EIF2AK1: variants seen among roughly 807,000 people sequenced by gnomAD.
The protein encoded by EIF2AK1 is eukaryotic translation initiation factor 2 alpha kinase 1, also known as eukaryotic translation initiation factor 2-alpha kinase 1.
Under a neutral mutation model 77.9 loss-of-function variants are expected in EIF2AK1, and 54 were observed. That is an observed-to-expected ratio of 0.69 (90% CI 0.56 to 0.87). The LOEUF is 0.87. EIF2AK1 is among the 40% of genes least tolerant of loss of function. The pLI, the probability that EIF2AK1 is intolerant of heterozygous loss-of-function variation, is 0.00. For missense variants in EIF2AK1, 810 were observed against 768.6 expected, an observed-to-expected ratio of 1.05 and a Z score of -0.64; for synonymous variants, 314 against 290.5, an observed-to-expected ratio of 1.08 and a Z score of -0.82.
chr7:6,050,531 G>A (rs1002008639), intron 2 of EIF2AK1, among the ~76,000 whole-genome samples: 1 of 151,344 alleles, frequency 6.6e-6, no homozygotes, highest in Non-Finnish European at 1.5e-5. Context: ...AGAAACTTGG[G>A]GAATGATTCT....
chr7:6,048,303 G>T (rs1387817636), intron 4 of EIF2AK1, among the ~76,000 whole-genome samples: 1 of 152,028 alleles, frequency 6.6e-6, no homozygotes, highest in Non-Finnish European at 1.5e-5. Context: ...CACCTACTCT[G>T]GATATTTCAT....
At chr7:6,050,414 C>T (rs111859265) in intron 2 of EIF2AK1, among the ~76,000 whole-genome samples, 22 of 151,996 alleles carry the variant, frequency 1.4e-4, no homozygotes, top group African/African-American at 5.3e-4. Context: ...AGGCTGGTCT[C>T]GAACTCCTGG....
rs771876543 is a variant in EIF2AK1 at position 6,049,935 on chromosome 7, A to C, written c.388T>G (p.Ser130Ala). ...HNRAITHLMRSAKERVRQDPC... is the reference protein window; with the variant it reads ...HNRAITHLMRAAKERVRQDPC... ...ACCTGACGAACTCTCTCTTTAGCAG[A>C]CCTCATTAAGTGAGTAATAGCTCTG... The change falls in exon 3 of 15, where the codon TCT becomes GCT. Residue 130 changes from serine (S) to alanine (A), a missense_variant. Around this residue, in one of 3 missense-constraint regions of EIF2AK1, gnomAD observed 246 missense variants for 199.0 expected, o/e 1.24. Coordinates refer to ENST00000199389, the MANE Select transcript of EIF2AK1 (RefSeq NM_014413.4). 4.3e-6 allele frequency: 7 copies of C among 1,611,730 alleles called. No homozygotes were observed. Among genetic ancestry groups the C allele is most frequent in the South Asian group, 3.3e-5 (3 of 90,204 alleles).
intron 2 of EIF2AK1, among the ~76,000 whole-genome samples, chr7:6,052,842 T>C (rs1179593191): frequency 6.6e-6 from 1 of 151,812 alleles, no homozygotes; most frequent in Non-Finnish European, 1.5e-5. Flanking sequence ...GGCACGTGCC[T>C]ACCCCAGCTA....
intron 4 of EIF2AK1, among the ~76,000 whole-genome samples, chr7:6,048,538 C>A (rs1054380701): frequency 2.6e-5 from 4 of 152,106 alleles, no homozygotes; most frequent in Non-Finnish European, 2.9e-5. Flanking sequence ...AGCGAGAATT[C>A]AATGGTCCCC....
chr7:6,037,242 A>AG (rs1170265445), intron 11 of EIF2AK1, among the ~76,000 whole-genome samples, 182 bp downstream of exon 11: 2 of 152,126 alleles, frequency 1.3e-5, no homozygotes, highest in African/African-American at 4.8e-5. Context: ...AAAAAAAAAA[A>AG]AAATTCGACC....
In EIF2AK1 at chr7:6,024,708, C is replaced by T. The variant is rs1199913066; in HGVS notation, c.1858G>A (p.Val620Met). ...CCCCCATCCTTTCCGTCATCCCTCACCCCTTTGTCTTGAGAAAGGAGGTTT... is the reference window on the plus strand; with the variant it reads ...CCCCCATCCTTTCCGTCATCCCTCATCCCTTTGTCTTGAGAAAGGAGGTTT... ...QLNLLSQDKG[V>M]RDDGKDGGVG is the part of the protein sequence containing the mutation. Residue 620 changes from valine to methionine, a missense_variant, in exon 15 of 15, where the codon GTG (valine) becomes ATG (methionine). By Grantham distance (21) the Val-to-Met change is conservative. This residue lies in a region of EIF2AK1 where 549 missense variants were observed against 533.7 expected (regional missense o/e 1.03). Coordinates refer to ENST00000199389, the MANE Select transcript of EIF2AK1 (RefSeq NM_014413.4). The T allele has an allele frequency of 6.2e-7, 1 of 1,611,704 alleles. No homozygotes were observed. Among genetic ancestry groups the T allele is most frequent in the Admixed American group, 1.7e-5 (1 of 59,222 alleles).
In EIF2AK1 at chr7:6,023,666, A is replaced by C; in HGVS notation, c.*1007T>G. On this transcript the variant is annotated 3_prime_UTR_variant, in exon 15 of 15. Transcript: ENST00000199389. ...TCTTGTGAAAACCTGGCTCCTTTTAACACGGCCCTCAAGCTCCTTAAGTGA... is the reference window on the plus strand; with the variant it reads ...TCTTGTGAAAACCTGGCTCCTTTTACCACGGCCCTCAAGCTCCTTAAGTGA... 1 of 1,614,142 alleles carries C rather than the reference A, an allele frequency of 6.2e-7. No individual in the cohort carries two copies.
chr7:6,049,843 T>C, intron 3 of EIF2AK1, 69 bp downstream of exon 3: 1 of 1,437,978 alleles, frequency 7.0e-7, no homozygotes, highest in Non-Finnish European at 9.5e-7. Context: ...TCACAGTGCT[T>C]TAAAATATAA....
chr7:6,029,287 G>A (rs555565385), intron 11 of EIF2AK1, among the ~76,000 whole-genome samples: 1 of 152,048 alleles, frequency 6.6e-6, no homozygotes, highest in South Asian at 2.1e-4. Context: ...ATCACCTGAG[G>A]TCAGGAGTTC....
chr7:6,049,476 G>A (rs1423889417), intron 3 of EIF2AK1, among the ~76,000 whole-genome samples: 2 of 152,216 alleles, frequency 1.3e-5, no homozygotes, highest in African/African-American at 4.8e-5. Flanking sequence ...CTGGGAGGCA[G>A]AGGTTGCAAT....
rs1354565061 is a variant in EIF2AK1 at position 6,054,573 on chromosome 7, G to C, written c.250C>G (p.Pro84Ala). The change falls in exon 2 of 15, where the codon CCA (proline) becomes GCA (alanine). Residue 84 changes from proline (P) to alanine (A), a missense_variant. By Grantham distance (27) the Pro-to-Ala change is conservative. This residue lies in a region of EIF2AK1 where 246 missense variants were observed against 199.0 expected (regional missense o/e 1.24). Coordinates refer to ENST00000199389, the MANE Select transcript of EIF2AK1 (RefSeq NM_014413.4). ...EHLSHVHEPN[P>A]LRSRQVFKLL... ...TTAAACACCTGTCTTGAACGAAGTG[G>C]GTTTGGTTCATGCACGTGGCTCAAG... 6.2e-7 allele frequency: 1 copy of C among 1,613,982 alleles called. No homozygotes were observed. Among genetic ancestry groups the C allele is most frequent in the South Asian group, 1.1e-5 (1 of 91,080 alleles).
chr7:6,037,810 CT>C (rs1290847048), intron 10 of EIF2AK1, among the ~76,000 whole-genome samples: 3 of 151,704 alleles, frequency 2.0e-5, no homozygotes, highest in African/African-American at 7.3e-5. Context: ...GTATTAATGA[CT>C]TTTTAAATAA....
At chr7:6,025,532 C>G (rs1787718715) in intron 14 of EIF2AK1, among the ~76,000 whole-genome samples, 2 of 152,234 alleles carry the variant, frequency 1.3e-5, no homozygotes, top group Admixed American at 1.3e-4. Context: ...AAGCATGCTA[C>G]TGGTATTCAA....
Position 6,058,664 on chromosome 7 carries a change from G to T in EIF2AK1, c.118+302C>A, listed in dbSNP as rs1288268255. Among the ~76,000 whole-genome samples the T allele has an allele frequency of 2.6e-5, 4 of 152,354 alleles. No individual in the cohort carries two copies. The East Asian group carries it at 7.7e-4, about 29-fold the overall frequency. On this transcript the variant is annotated intron_variant, in intron 1 of 14. Transcript: ENST00000199389. ...CAATGACAAAACCCAGGGCATGGGGGCAAGACGGTGGCCTCGGGGATGTCC... is the reference window on the plus strand; with the variant it reads ...CAATGACAAAACCCAGGGCATGGGGTCAAGACGGTGGCCTCGGGGATGTCC...
chr7:6,025,927 C>T (rs1366096105), intron 14 of EIF2AK1, among the ~76,000 whole-genome samples: 1 of 152,158 alleles, frequency 6.6e-6, no homozygotes, highest in African/African-American at 2.4e-5. Flanking sequence ...GCATGAGCCA[C>T]CCCGCCTGGC....
chr7:6,047,426 G>C (rs1025722373), intron 4 of EIF2AK1, among the ~76,000 whole-genome samples: 1 of 152,128 alleles, frequency 6.6e-6, no homozygotes, highest in Non-Finnish European at 1.5e-5. Flanking sequence ...TGTAATCCCA[G>C]CACTTTGGGA....
At position 6,033,743 on chromosome 7, in the gene EIF2AK1, G is replaced by A. The variant is rs1011942767; in HGVS notation, c.1332+3681C>T. Among the ~76,000 whole-genome samples the A allele has an allele frequency of 1.6e-4, 24 of 151,966 alleles. No homozygotes were observed. The highest frequency in any genetic ancestry group is 3.4e-3 in the Middle Eastern group (1 of 294). On this transcript the variant is annotated intron_variant, in intron 11 of 14. Coordinates refer to ENST00000199389, the MANE Select transcript of EIF2AK1 (RefSeq NM_014413.4). This position sits in a 1 kb window ranked among gnomAD's most constrained non-coding sequence, Gnocchi z 4.4. Reference sequence around the variant, plus strand: ...TGCCACCACGCCTGGCTAATTTTTTGTATTTTTAGTAGAGATGGGGTTTCA... The same window carrying A: ...TGCCACCACGCCTGGCTAATTTTTTATATTTTTAGTAGAGATGGGGTTTCA...
chr7:6,023,735 G>A lies in EIF2AK1; in HGVS notation c.*938C>T, dbSNP rs1279426417. On this transcript the variant is annotated 3_prime_UTR_variant, in exon 15 of 15. Coordinates refer to ENST00000199389, the MANE Select transcript of EIF2AK1 (RefSeq NM_014413.4). ...AAAGGGTTTAGATTTTAAGAATGGT[G>A]CTCTTTCATGCCTATTATCAGTAAG... The A allele has an allele frequency of 6.2e-7, 1 of 1,613,744 alleles. No individual in the cohort carries two copies. Among genetic ancestry groups the A allele is most frequent in the South Asian group, 1.1e-5 (1 of 90,914 alleles).
Sources: gnomAD v4.1 joint callset for allele counts (sites outside exome capture counted in the v4.1 genomes callset) on GRCh38, gnomAD v4.1.1 for gene constraint, gnomAD v4.1.1 regional missense constraint, Gnocchi (gnomAD v3.1) non-coding constraint, MANE v1.5 for transcripts, NCBI Gene and HGNC (gene_info 2026-07-23, HGNC 2026-07-21) for gene names.